TNFRSF8: variants seen among roughly 807,000 people sequenced by gnomAD.
TNFRSF8 encodes the protein tumor necrosis factor receptor superfamily member 8.
In TNFRSF8, 26 loss-of-function variants were observed where a neutral mutation model predicts 70.8. The observed-to-expected ratio is 0.37, with a 90% CI of 0.27 to 0.51. The LOEUF (loss-of-function observed/expected upper bound fraction) is 0.51, where lower values mean the gene tolerates loss of function less well. Ranked by LOEUF, TNFRSF8 falls within the 20% of genes least tolerant of loss-of-function variation. The pLI, the probability that TNFRSF8 is intolerant of heterozygous loss-of-function variation, is 0.94. For missense variants in TNFRSF8, 720 were observed against 807.9 expected, an observed-to-expected ratio of 0.89 and a Z score of 1.32; for synonymous variants, 356 against 339.2, an observed-to-expected ratio of 1.05 and a Z score of -0.54.
chr1:12,125,834 G>A, intron 10 of TNFRSF8, 117 bp from the exon 11 acceptor site: 1 of 831,532 alleles, frequency 1.2e-6, no homozygotes, highest in Non-Finnish European at 2.1e-6. Context: ...GAAAGGACCT[G>A]TTGTTGTTAG....
chr1:12,124,892 A>G (rs665116), intron 10 of TNFRSF8, among the ~76,000 whole-genome samples: 1,610 of 148,956 alleles, frequency 0.011, 31 homozygotes, highest in African/African-American at 0.039. Context: ...CAAAACCCCC[A>G]AGAGTTAGCT....
intron 3 of TNFRSF8, among the ~76,000 whole-genome samples, chr1:12,099,154 CT>C (rs569772438): frequency 6.6e-6 from 1 of 151,560 alleles, no homozygotes; most frequent in Non-Finnish European, 1.5e-5. Context: ...TTTTTGTTTT[CT>C]TTTTTTTCTT....
chr1:12,136,605 C>T (rs888623604), intron 13 of TNFRSF8, among the ~76,000 whole-genome samples: 2 of 147,482 alleles, frequency 1.4e-5, no homozygotes, highest in Admixed American at 6.9e-5. Flanking sequence ...GCCGAGATTG[C>T]ACCACTGCTC....
intron 2 of TNFRSF8, among the ~76,000 whole-genome samples, chr1:12,093,697 C>T (rs192046251): frequency 1.3e-3 from 200 of 152,202 alleles, no homozygotes; most frequent in African/African-American, 4.0e-3. Context: ...TGCACCACCA[C>T]GCCTGGCTAA....
chr1:12,094,531 G>C (rs1284208247), intron 2 of TNFRSF8, among the ~76,000 whole-genome samples: 1 of 152,032 alleles, frequency 6.6e-6, no homozygotes, highest in African/African-American at 2.4e-5. Flanking sequence ...TTTCAGCAAG[G>C]AGTGAAGGGG....
At chr1:12,087,729 C>T (rs1465987214) in intron 2 of TNFRSF8, among the ~76,000 whole-genome samples, 2 of 152,232 alleles carry the variant, frequency 1.3e-5, no homozygotes, top group Non-Finnish European at 2.9e-5. Context: ...TTCTCATCCT[C>T]TTCTGGCCCC....
At chr1:12,124,051 T>G (rs1298633782) in intron 10 of TNFRSF8, among the ~76,000 whole-genome samples, 1 of 152,234 alleles carries the variant, frequency 6.6e-6, no homozygotes, top group Non-Finnish European at 1.5e-5. Flanking sequence ...TTGCTCAGGC[T>G]GGAGGGCAGT....
intron 1 of TNFRSF8, among the ~76,000 whole-genome samples, chr1:12,071,005 C>T (rs1640834000): frequency 6.6e-6 from 1 of 151,966 alleles, no homozygotes; most frequent in South Asian, 2.1e-4. Context: ...CTTTTTTTGG[C>T]CCCCACATTA....
At chr1:12,084,434 C>T (rs1641117559) in intron 1 of TNFRSF8, 30 bp from the exon 2 acceptor site, 1 of 1,605,278 alleles carries the variant, frequency 6.2e-7, no homozygotes, top group Non-Finnish European at 8.5e-7. Flanking sequence ...TGGGATCCAC[C>T]TGGCCTCACC....
chr1:12,117,619 A>G (rs779901662), intron 8 of TNFRSF8, among the ~76,000 whole-genome samples: 4 of 152,202 alleles, frequency 2.6e-5, no homozygotes, highest in Non-Finnish European at 5.9e-5. Context: ...ACCCATTGTG[A>G]ACAGGACATA....
In TNFRSF8 at chr1:12,143,805, G is replaced by C. The variant is rs766345375; in HGVS notation, c.*1274G>C. 1.4e-4 allele frequency: 22 copies of C among 152,246 alleles called. No individual in the cohort carries two copies. Among genetic ancestry groups the C allele is most frequent in the African/African-American group, 5.1e-4 (21 of 41,454 alleles). 9.4% of individuals were successfully genotyped at this position (152,246 alleles called of 1,614,324 possible). A position where few individuals can be genotyped will look rare whatever the true frequency, so the allele number is the denominator to read the frequency against. ...TGGAGACTCGTGGACTTACCGCCTGGAGGCAGGCCCGGGAAGGCTGCTGTT... is the reference window on the plus strand; with the variant it reads ...TGGAGACTCGTGGACTTACCGCCTGCAGGCAGGCCCGGGAAGGCTGCTGTT... On this transcript the variant is annotated 3_prime_UTR_variant, in exon 15 of 15. Transcript: ENST00000263932. This position sits in a 1 kb window ranked among gnomAD's most constrained non-coding sequence, Gnocchi z 4.1.
intron 1 of TNFRSF8, among the ~76,000 whole-genome samples, chr1:12,078,860 G>A (rs1641013532): frequency 6.6e-6 from 1 of 152,254 alleles, no homozygotes; most frequent in African/African-American, 2.4e-5. Flanking sequence ...GCTTCTGCTA[G>A]GTCAGCGCAT....
rs953143393 is a variant in TNFRSF8, at chr1:12,141,543, C to A, written c.1544-744C>A. On this transcript the variant is annotated intron_variant, in intron 14 of 14. Transcript: ENST00000263932. The surrounding 1 kb of genome is among the most constrained non-coding windows in gnomAD (Gnocchi z 5.4). ...TGTGAGCAGTAAGCCCCGAAATTCACGGCCTGAGCCAGGCTGTCTCAATCA... is the reference window on the plus strand; with the variant it reads ...TGTGAGCAGTAAGCCCCGAAATTCAAGGCCTGAGCCAGGCTGTCTCAATCA... 6.6e-6 allele frequency among the ~76,000 whole-genome samples: 1 copy of A among 152,268 alleles called. No homozygotes were observed. The highest frequency in any genetic ancestry group is 1.5e-5 in the Non-Finnish European group (1 of 68,040).
intron 1 of TNFRSF8, among the ~76,000 whole-genome samples, chr1:12,074,377 T>C (rs2100950565): frequency 1.3e-5 from 2 of 152,106 alleles, no homozygotes; most frequent in South Asian, 4.2e-4. Flanking sequence ...CCTCCCGGCT[T>C]CAAGAGATTC....
intron 2 of TNFRSF8, among the ~76,000 whole-genome samples, chr1:12,090,745 ATAT>A (rs1227085529): frequency 6.6e-6 from 1 of 152,176 alleles, no homozygotes; most frequent in African/African-American, 2.4e-5. Flanking sequence ...AATAAGACAA[ATAT>A]TATACCAATT....
At chr1:12,091,710 C>T (rs918732518) in intron 2 of TNFRSF8, among the ~76,000 whole-genome samples, 3 of 152,178 alleles carry the variant, frequency 2.0e-5, no homozygotes, top group African/African-American at 7.2e-5. Flanking sequence ...GCTGCTGTAA[C>T]AAAGTACCTC....
At chr1:12,136,157 A>G (rs1438386433) in intron 13 of TNFRSF8, among the ~76,000 whole-genome samples, 1 of 148,748 alleles carries the variant, frequency 6.7e-6, no homozygotes, top group Non-Finnish European at 1.5e-5. Flanking sequence ...CTATCCTTTC[A>G]TTTTTCAATA....
At position 12,142,938 on chromosome 1, in the gene TNFRSF8, C is replaced by G. The variant is rs1026419588; in HGVS notation, c.*407C>G. ...AGGCCAGCTCCCGGGGCCCCTGTAACCCTACTCTCCTCTCTCCCTGGACCT... is the reference window on the plus strand; with the variant it reads ...AGGCCAGCTCCCGGGGCCCCTGTAAGCCTACTCTCCTCTCTCCCTGGACCT... On this transcript the variant is annotated 3_prime_UTR_variant, in exon 15 of 15. Transcript: ENST00000263932. The surrounding 1 kb of genome is among the most constrained non-coding windows in gnomAD (Gnocchi z 5.0). 1.7e-4 allele frequency: 30 copies of G among 176,238 alleles called. No homozygotes were observed. The highest frequency in any genetic ancestry group is 1.0e-3 in the Admixed American group (17 of 16,946). 10.9% of individuals were successfully genotyped at this position (176,238 alleles called of 1,614,324 possible).
At position 12,081,584 on chromosome 1, in the gene TNFRSF8, G is replaced by A. The variant is rs1025322520; in HGVS notation, c.64-2880G>A. On this transcript the variant is annotated intron_variant, in intron 1 of 14. Transcript: ENST00000263932. ...AAATAAGAAGGGAGACAACTCAAGC[G>A]CCATGTGACTATTGGGCAAATATCA... Among the ~76,000 whole-genome samples, 20 of 151,954 alleles carry A rather than the reference G, an allele frequency of 1.3e-4. No homozygotes were observed. In the South Asian group the frequency reaches 1.5e-3, roughly 11 times the overall value.
Sources: allele counts gnomAD v4.1 joint callset (sites outside exome capture counted in the v4.1 genomes callset), GRCh38; gene constraint gnomAD v4.1.1; non-coding constraint Gnocchi (gnomAD v3.1); transcripts MANE v1.5; gene names NCBI Gene and HGNC (gene_info 2026-07-23, HGNC 2026-07-21).